Variants in PTPRR observed in about 807,000 individuals in gnomAD.
The protein encoded by PTPRR is protein tyrosine phosphatase receptor type R, also known as receptor-type tyrosine-protein phosphatase R.
Under a neutral mutation model 77.2 loss-of-function variants are expected in PTPRR, and 38 were observed. The observed-to-expected ratio is 0.49, with a 90% CI of 0.38 to 0.65. The LOEUF (loss-of-function observed/expected upper bound fraction) is 0.65, where lower values mean the gene tolerates loss of function less well. PTPRR is among the 30% of genes least tolerant of loss of function. The pLI is 0.00. For synonymous variants in PTPRR, 299 were observed against 283.1 expected, an observed-to-expected ratio of 1.06 and a Z score of -0.57; for missense variants, 744 against 799.2, an observed-to-expected ratio of 0.93 and a Z score of 0.83.
chr12:70,743,698 A>T (rs563630959), intron 6 of PTPRR, among the ~76,000 whole-genome samples: 1 of 152,202 alleles, frequency 6.6e-6, no homozygotes, highest in Non-Finnish European at 1.5e-5. Flanking sequence ...AACACTGATT[A>T]CACACTTGCT....
chr12:70,766,092 T>G (rs1025205993), intron 2 of PTPRR, among the ~76,000 whole-genome samples: 136 of 152,172 alleles, frequency 8.9e-4, no homozygotes, highest in African/African-American at 3.1e-3. Flanking sequence ...CTGGAAACTC[T>G]AAAAAGCAGA....
chr12:70,796,339 A>C (rs7134779), intron 2 of PTPRR, among the ~76,000 whole-genome samples: 1 of 149,920 alleles, frequency 6.7e-6, no homozygotes, highest in Non-Finnish European at 1.5e-5. Flanking sequence ...CAGAATATAC[A>C]CTTTTTTTTA....
intron 2 of PTPRR, among the ~76,000 whole-genome samples, chr12:70,803,729 G>A (rs1891658357): frequency 6.6e-6 from 1 of 152,114 alleles, no homozygotes; most frequent in Admixed American, 6.6e-5. Flanking sequence ...CTACCTATCA[G>A]AAGGCAGGTC....
At chr12:70,859,904 T>C (rs955789414) in intron 2 of PTPRR, among the ~76,000 whole-genome samples, 3 of 151,938 alleles carry the variant, frequency 2.0e-5, no homozygotes, top group African/African-American at 7.2e-5. Context: ...TTTTGATTGA[T>C]CTCAACTCAT....
At chr12:70,704,108 G>A (rs915584149) in intron 6 of PTPRR, among the ~76,000 whole-genome samples, 3 of 152,044 alleles carry the variant, frequency 2.0e-5, no homozygotes, top group Admixed American at 2.0e-4. Context: ...AACAGTCATA[G>A]ACACTATAAG....
At chr12:70,882,902 A>G (rs1893173200) in intron 2 of PTPRR, among the ~76,000 whole-genome samples, 1 of 152,212 alleles carries the variant, frequency 6.6e-6, no homozygotes, top group African/African-American at 2.4e-5. Context: ...ACTAGGTGAC[A>G]TGTAAGAGTA....
chr12:70,660,643 A>G (rs565635193), intron 12 of PTPRR, among the ~76,000 whole-genome samples: 1 of 152,226 alleles, frequency 6.6e-6, no homozygotes, highest in African/African-American at 2.4e-5. Context: ...ATCAATCAAT[A>G]TAAGTTTCAA....
intron 4 of PTPRR, chr12:70,754,707 C>A: frequency 6.3e-7 from 1 of 1,592,614 alleles, no homozygotes; most frequent in South Asian, 1.1e-5. Flanking sequence ...TGTACTACCT[C>A]TTTACTTTTA....
chr12:70,791,254 A>G (rs1323706246), intron 2 of PTPRR, among the ~76,000 whole-genome samples: 1 of 151,942 alleles, frequency 6.6e-6, no homozygotes, highest in Admixed American at 6.6e-5. Flanking sequence ...TTTGACTTCC[A>G]CTTCATTTAT....
chr12:70,682,037 T>C (rs1887685382), intron 10 of PTPRR, among the ~76,000 whole-genome samples: 1 of 38,480 alleles, frequency 2.6e-5, no homozygotes, highest in Non-Finnish European at 9.7e-5. Flanking sequence ...TTGTTCACTT[T>C]TTTTTTTTTT....
intron 7 of PTPRR, among the ~76,000 whole-genome samples, chr12:70,699,666 C>G (rs1267081193): frequency 9.2e-5 from 14 of 152,184 alleles, no homozygotes; most frequent in Admixed American, 7.2e-4. Context: ...TGCTAGCTAT[C>G]CATGATATTT....
chr12:70,721,175 A>G (rs960307375), intron 6 of PTPRR, among the ~76,000 whole-genome samples: 2 of 152,228 alleles, frequency 1.3e-5, no homozygotes, highest in African/African-American at 4.8e-5. Context: ...ACTGCCAAAT[A>G]TCCTAAAGTT....
chr12:70,841,081 T>C (rs1892388621), intron 2 of PTPRR, among the ~76,000 whole-genome samples: 1 of 151,322 alleles, frequency 6.6e-6, no homozygotes, highest in South Asian at 2.1e-4. Flanking sequence ...CCAGGAGAAT[T>C]TCCTGCACTA....
chr12:70,651,157 C>T (rs1035709860), intron 13 of PTPRR, among the ~76,000 whole-genome samples: 1 of 152,204 alleles, frequency 6.6e-6, no homozygotes, highest in Non-Finnish European at 1.5e-5. Flanking sequence ...GATTGAAGGA[C>T]CTCGCCATGG....
chr12:70,711,819 T>C (rs1888838901), intron 6 of PTPRR, among the ~76,000 whole-genome samples: 1 of 152,122 alleles, frequency 6.6e-6, no homozygotes, highest in African/African-American at 2.4e-5. Flanking sequence ...AAAGCAGATA[T>C]CTTAAGTCAT....
intron 2 of PTPRR, among the ~76,000 whole-genome samples, chr12:70,853,796 A>C (rs907027184): frequency 1.3e-5 from 2 of 152,174 alleles, no homozygotes; most frequent in African/African-American, 4.8e-5. Context: ...AAAATGAAAA[A>C]CACTGGTCAC....
chr12:70,746,485 T>C (rs1480554788), intron 5 of PTPRR, among the ~76,000 whole-genome samples: 1 of 152,128 alleles, frequency 6.6e-6, no homozygotes, highest in African/African-American at 2.4e-5. Context: ...CATGGCTTAG[T>C]AGAAAAAAGT....
intron 1 of PTPRR, among the ~76,000 whole-genome samples, chr12:70,894,888 T>C (rs1429618092): frequency 6.6e-6 from 1 of 151,724 alleles, no homozygotes; most frequent in Non-Finnish European, 1.5e-5. Flanking sequence ...AAAAAAGTTA[T>C]GGTCAATTTA....
chr12:70,718,450 A>T (rs1354685797), intron 6 of PTPRR, among the ~76,000 whole-genome samples: 2 of 152,082 alleles, frequency 1.3e-5, no homozygotes, highest in African/African-American at 4.8e-5. Context: ...TATTTTTAGT[A>T]GAGACGGGGT....
Sources: allele counts gnomAD v4.1 joint callset (sites outside exome capture counted in the v4.1 genomes callset), GRCh38; gene constraint gnomAD v4.1.1; transcripts MANE v1.5; gene names NCBI Gene and HGNC (gene_info 2026-07-23, HGNC 2026-07-21).